SYNPR: variants seen among roughly 807,000 people sequenced by gnomAD.
SYNPR encodes the protein synaptoporin.
In SYNPR, 23 loss-of-function variants were observed where a neutral mutation model predicts 32.9. The ratio of observed to expected loss-of-function variants is 0.70; its 90% CI spans 0.50 to 0.99. The LOEUF is 0.99. SYNPR is among the 50% of genes least tolerant of loss of function. The pLI is 0.00. For missense variants in SYNPR, 318 were observed against 349.3 expected, an observed-to-expected ratio of 0.91 and a Z score of 0.71; for synonymous variants, 146 against 135.9, an observed-to-expected ratio of 1.07 and a Z score of -0.52.
At chr3:63,285,134 G>A (rs1478658438) in intron 2 of SYNPR, among the ~76,000 whole-genome samples, 2 of 152,172 alleles carry the variant, frequency 1.3e-5, no homozygotes, top group Admixed American at 6.5e-5. Context: ...GTTTATCTCA[G>A]TCATCAACTT....
intron 2 of SYNPR, among the ~76,000 whole-genome samples, chr3:63,259,986 T>G (rs1422163354): frequency 1.3e-5 from 2 of 152,040 alleles, no homozygotes; most frequent in Non-Finnish European, 2.9e-5. Flanking sequence ...TCAAAGAGAA[T>G]AAAATACCTA....
intron 4 of SYNPR, among the ~76,000 whole-genome samples, chr3:63,574,371 G>A (rs2106851075): frequency 6.6e-6 from 1 of 152,250 alleles, no homozygotes; most frequent in South Asian, 2.1e-4. Context: ...GCATCAACTA[G>A]ATGTTGAGGA....
chr3:63,424,702 A>G (rs773728923), intron 2 of SYNPR, among the ~76,000 whole-genome samples: 14 of 152,222 alleles, frequency 9.2e-5, no homozygotes, highest in Non-Finnish European at 2.1e-4. Flanking sequence ...AATGTACACA[A>G]TATCGACAAT....
chr3:63,587,750 T>C lies in SYNPR; in HGVS notation c.409-21375T>C, dbSNP rs954046744. On this transcript the variant is annotated intron_variant, in intron 4 of 5. Transcript: ENST00000478300. ...TGGAGATGGGGTATCCTTGAGGTAA[T>C]TTAGGTATCCTTGAGGTAATTGTTG... Among the ~76,000 whole-genome samples, 3 of 152,052 alleles carry C rather than the reference T, an allele frequency of 2.0e-5. No individual in the cohort carries two copies. The East Asian group carries it at 5.8e-4, about 29-fold the overall frequency.
intron 4 of SYNPR, among the ~76,000 whole-genome samples, chr3:63,560,592 G>A (rs1349742825): frequency 6.6e-6 from 1 of 152,146 alleles, no homozygotes; most frequent in East Asian, 1.9e-4. Context: ...TTAAAGAATG[G>A]CCTGAGATTA....
intron 2 of SYNPR, among the ~76,000 whole-genome samples, chr3:63,266,922 G>A (rs2086495031): frequency 6.6e-6 from 1 of 152,054 alleles, no homozygotes; most frequent in Non-Finnish European, 1.5e-5. Flanking sequence ...AAAAATGAAT[G>A]TAATCAGCTT....
intron 2 of SYNPR, among the ~76,000 whole-genome samples, chr3:63,438,509 A>G (rs922582416): frequency 6.6e-6 from 1 of 152,218 alleles, no homozygotes. Context: ...ACAGATTTGA[A>G]GCCTACTGAG....
At chr3:63,250,932 A>C (rs1005128608) in intron 1 of SYNPR, among the ~76,000 whole-genome samples, 1 of 152,112 alleles carries the variant, frequency 6.6e-6, no homozygotes, top group Non-Finnish European at 1.5e-5. Flanking sequence ...TAGCTATGGA[A>C]ACTAGTATTT....
intron 2 of SYNPR, among the ~76,000 whole-genome samples, chr3:63,348,152 T>C (rs938395019): frequency 3.3e-5 from 5 of 152,174 alleles, no homozygotes; most frequent in African/African-American, 1.2e-4. Flanking sequence ...CCCACCAACA[T>C]TGTATGTGGT....
chr3:63,353,768 T>A (rs1272277487), intron 2 of SYNPR, among the ~76,000 whole-genome samples: 1 of 152,244 alleles, frequency 6.6e-6, no homozygotes, highest in Non-Finnish European at 1.5e-5. Flanking sequence ...GGAGTGATGA[T>A]ATGATAAGAT....
chr3:63,263,922 G>C (rs1036332236), intron 2 of SYNPR, among the ~76,000 whole-genome samples: 1 of 152,058 alleles, frequency 6.6e-6, no homozygotes, highest in Admixed American at 6.6e-5. Context: ...TACAATTTTG[G>C]GGCCGTGTTT....
intron 2 of SYNPR, among the ~76,000 whole-genome samples, chr3:63,468,891 CA>C (rs1195433612): frequency 4.4e-4 from 67 of 152,126 alleles, no homozygotes; most frequent in African/African-American, 1.5e-3. Context: ...GCTGAATAAA[CA>C]TTTTTTTTTA....
chr3:63,255,836 C>A (rs1447507302), intron 2 of SYNPR, among the ~76,000 whole-genome samples: 1 of 152,170 alleles, frequency 6.6e-6, no homozygotes, highest in Non-Finnish European at 1.5e-5. Flanking sequence ...AAAGGGGTGA[C>A]AGATGGCACC....
chr3:63,531,067 A>T (rs1185148662), intron 3 of SYNPR, among the ~76,000 whole-genome samples: 1 of 152,144 alleles, frequency 6.6e-6, no homozygotes, highest in Non-Finnish European at 1.5e-5. Flanking sequence ...GAGATGCTGA[A>T]AGCCCTACAG....
chr3:63,401,306 C>T (rs972149950), intron 2 of SYNPR, among the ~76,000 whole-genome samples: 1 of 152,032 alleles, frequency 6.6e-6, no homozygotes, highest in African/African-American at 2.4e-5. Context: ...AGGCCATCCA[C>T]GAATCAAATA....
chr3:63,537,983 T>A (rs1702238380), intron 3 of SYNPR, among the ~76,000 whole-genome samples: 1 of 152,136 alleles, frequency 6.6e-6, no homozygotes, highest in Admixed American at 6.6e-5. Flanking sequence ...GAATCATGAA[T>A]CTATTGCCAT....
intron 2 of SYNPR, among the ~76,000 whole-genome samples, chr3:63,289,945 A>G (rs937745726): frequency 3.9e-5 from 6 of 151,966 alleles, no homozygotes; most frequent in Admixed American, 6.6e-5. Context: ...CCTGGCTAAC[A>G]TGGTGAAACC....
At chr3:63,335,326 C>T (rs1326826779) in intron 2 of SYNPR, among the ~76,000 whole-genome samples, 5 of 137,586 alleles carry the variant, frequency 3.6e-5, no homozygotes, top group Non-Finnish European at 7.6e-5. Context: ...GCACTCCAGC[C>T]TGGGCAACAG....
chr3:63,311,311 A>G (rs2086961393), intron 2 of SYNPR, among the ~76,000 whole-genome samples: 1 of 152,028 alleles, frequency 6.6e-6, no homozygotes, highest in African/African-American at 2.4e-5. Context: ...AACCAGATCA[A>G]CTTCTCCATG....
Sources: allele counts gnomAD v4.1 joint callset (sites outside exome capture counted in the v4.1 genomes callset), GRCh38; gene constraint gnomAD v4.1.1; transcripts MANE v1.5; gene names NCBI Gene and HGNC (gene_info 2026-07-23, HGNC 2026-07-21).